The following GALNT13 variants were observed in gnomAD, a reference collection of about 807,000 sequenced individuals.
The protein encoded by GALNT13 is polypeptide N-acetylgalactosaminyltransferase 13.
Under a neutral mutation model 64.2 loss-of-function variants are expected in GALNT13, and 28 were observed. The observed-to-expected ratio is 0.44, with a 90% confidence interval of 0.32 to 0.60. The LOEUF (loss-of-function observed/expected upper bound fraction) is 0.60, where lower values mean the gene tolerates loss of function less well. Ranked by LOEUF, GALNT13 falls within the 20% of genes least tolerant of loss-of-function variation. The pLI, the probability that GALNT13 is intolerant of heterozygous loss-of-function variation, is 0.05. For missense variants in GALNT13, 577 were observed against 669.8 expected (o/e 0.86, Z 1.53); for synonymous variants, 214 against 224.6 (o/e 0.95, Z 0.42).
At chr2:153,781,794 C>G in the GALNT13 span, among the ~76,000 whole-genome samples, 2 of 152,026 alleles carry the variant, frequency 1.3e-5, no homozygotes, top group South Asian at 4.2e-4. Context: ...GAGAATTACT[C>G]TAAATTCTAT....
chr2:154,340,666 C>A (rs1198840442), intron 9 of GALNT13, among the ~76,000 whole-genome samples: 1 of 152,050 alleles, frequency 6.6e-6, no homozygotes, highest in Non-Finnish European at 1.5e-5. Context: ...ACTAGTCCCA[C>A]ATTAAATTCA....
chr2:153,701,686 A>G, the GALNT13 span, among the ~76,000 whole-genome samples: 2 of 152,352 alleles, frequency 1.3e-5, no homozygotes, highest in East Asian at 3.9e-4. Flanking sequence ...ATGAACAGAC[A>G]CTTTTCAAAA....
chr2:153,931,437 A>G (rs1380319820), intron 2 of GALNT13, among the ~76,000 whole-genome samples: 3 of 151,790 alleles, frequency 2.0e-5, no homozygotes, highest in Non-Finnish European at 4.4e-5. Flanking sequence ...CTTAAGGAGA[A>G]CGTTTCCAGC....
At chr2:153,551,599 T>C in the GALNT13 span, among the ~76,000 whole-genome samples, 1 of 152,160 alleles carries the variant, frequency 6.6e-6, no homozygotes, top group Non-Finnish European at 1.5e-5. Context: ...ACAATTCTTA[T>C]TGATGAATGT....
At chr2:154,248,953 A>T (rs1689927900) in intron 7 of GALNT13, among the ~76,000 whole-genome samples, 1 of 152,134 alleles carries the variant, frequency 6.6e-6, no homozygotes, top group Non-Finnish European at 1.5e-5. Context: ...AATCTTTTAA[A>T]GTTTTGACCC....
At chr2:153,224,141 A>T in the GALNT13 span, among the ~76,000 whole-genome samples, 1 of 152,170 alleles carries the variant, frequency 6.6e-6, no homozygotes. Flanking sequence ...AGTAATCAGG[A>T]AAAGAGAAAT....
At chr2:153,990,058 A>G (rs536973615) in intron 3 of GALNT13, among the ~76,000 whole-genome samples, 1 of 152,136 alleles carries the variant, frequency 6.6e-6, no homozygotes, top group Non-Finnish European at 1.5e-5. Flanking sequence ...AGTAGCATTT[A>G]TTGGAGGCAG....
chr2:153,783,064 C>A, the GALNT13 span, among the ~76,000 whole-genome samples: 1 of 152,058 alleles, frequency 6.6e-6, no homozygotes, highest in South Asian at 2.1e-4. Context: ...ATGGTTTGGG[C>A]TTAGTGTAAA....
the GALNT13 span, among the ~76,000 whole-genome samples, chr2:153,467,960 A>C: frequency 1.3e-5 from 2 of 152,028 alleles, no homozygotes; most frequent in Admixed American, 1.3e-4. Flanking sequence ...GATAGAAGAA[A>C]GTCAGAAGAG....
At chr2:154,170,218 C>A (rs1385878190) in intron 4 of GALNT13, among the ~76,000 whole-genome samples, 2 of 152,084 alleles carry the variant, frequency 1.3e-5, no homozygotes, top group African/African-American at 2.4e-5. Flanking sequence ...TTGGATGGTG[C>A]CTGCCCACAT....
chr2:154,237,451 A>G (rs1689251876), intron 4 of GALNT13, among the ~76,000 whole-genome samples: 1 of 149,950 alleles, frequency 6.7e-6, no homozygotes, highest in East Asian at 1.9e-4. Flanking sequence ...TTCCTTGTTC[A>G]TGTTGTTGTT....
the GALNT13 span, among the ~76,000 whole-genome samples, chr2:153,679,040 A>G: frequency 6.6e-6 from 1 of 151,910 alleles, no homozygotes; most frequent in Admixed American, 6.6e-5. Flanking sequence ...TGTGCCTCCT[A>G]CCTATGTTAT....
At chr2:154,014,696 A>G (rs1311281109) in intron 3 of GALNT13, among the ~76,000 whole-genome samples, 1 of 125,200 alleles carries the variant, frequency 8.0e-6, no homozygotes, top group African/African-American at 3.0e-5. Context: ...GCAGTGGCGC[A>G]ATCTCAGCTC....
the GALNT13 span, among the ~76,000 whole-genome samples, chr2:153,196,409 G>T: frequency 6.6e-6 from 1 of 152,160 alleles, no homozygotes; most frequent in Admixed American, 6.5e-5. Flanking sequence ...CACACACCTG[G>T]CTGGGCAGTG....
At chr2:153,314,056 C>T in the GALNT13 span, among the ~76,000 whole-genome samples, 2 of 151,938 alleles carry the variant, frequency 1.3e-5, no homozygotes, top group African/African-American at 2.4e-5. Context: ...AACAATGTCT[C>T]ACCAAATAGA....
At chr2:154,417,517 A>ATTT (rs775341273) in intron 11 of GALNT13, among the ~76,000 whole-genome samples, 1 of 127,040 alleles carries the variant, frequency 7.9e-6, no homozygotes, top group Admixed American at 7.6e-5. Context: ...TTATTTATTT[A>ATTT]TTTATTTTTT....
chr2:153,181,679 A>G, the GALNT13 span, among the ~76,000 whole-genome samples: 5 of 146,088 alleles, frequency 3.4e-5, no homozygotes, highest in African/African-American at 5.0e-5. Context: ...CTATTTATGT[A>G]AATATATTTA....
At chr2:154,382,178 G>T (rs1029018933) in intron 9 of GALNT13, among the ~76,000 whole-genome samples, 28 of 151,926 alleles carry the variant, frequency 1.8e-4, no homozygotes, top group African/African-American at 5.8e-4. Flanking sequence ...GGACACAGAG[G>T]GTTTGTTAAA....
chr2:154,449,328 T>G (rs961064346), intron 12 of GALNT13, among the ~76,000 whole-genome samples: 8 of 149,070 alleles, frequency 5.4e-5, no homozygotes, highest in Non-Finnish European at 7.4e-5. Context: ...AGTCCTAATC[T>G]AAGCAAACTA....
Sources: gnomAD v4.1 joint callset for allele counts (sites outside exome capture counted in the v4.1 genomes callset) on GRCh38, gnomAD v4.1.1 for gene constraint, MANE v1.5 for transcripts, NCBI Gene and HGNC (gene_info 2026-07-23, HGNC 2026-07-21) for gene names.